The following CSMD3 variants were observed in gnomAD, a reference collection of about 807,000 sequenced individuals.
The protein encoded by CSMD3 is CUB and sushi domain-containing protein 3.
A neutral mutation model predicts 435.2 loss-of-function variants in CSMD3; 177 were observed. The ratio of observed to expected loss-of-function variants is 0.41; its 90% confidence interval spans 0.36 to 0.46. CSMD3 has a LOEUF of 0.46. CSMD3 is among the 20% of genes least tolerant of loss of function. The pLI, the probability that CSMD3 is intolerant of heterozygous loss-of-function variation, is 0.34. For missense variants in CSMD3, 4,265 were observed against 4,504.6 expected, an observed-to-expected ratio of 0.95 and a Z score of 1.52; for synonymous variants, 1,656 against 1,520.5, an observed-to-expected ratio of 1.09 and a Z score of -2.07.
At chr8:112,578,888 T>C (rs1463264883) in intron 23 of CSMD3, among the ~76,000 whole-genome samples, 1 of 152,010 alleles carries the variant, frequency 6.6e-6, no homozygotes, top group Admixed American at 6.6e-5. Flanking sequence ...CACACTGTTG[T>C]TTTCCAATCC....
At chr8:113,365,587 G>A (rs1415181951) in intron 1 of CSMD3, among the ~76,000 whole-genome samples, 2 of 151,994 alleles carry the variant, frequency 1.3e-5, no homozygotes, top group African/African-American at 4.8e-5. Context: ...AATAGATTAT[G>A]TACATTTTAA....
At chr8:113,031,557 A>G (rs2087110968) in intron 5 of CSMD3, among the ~76,000 whole-genome samples, 1 of 151,594 alleles carries the variant, frequency 6.6e-6, no homozygotes, top group Non-Finnish European at 1.5e-5. Context: ...AGGATAGCTG[A>G]AGGGATTCTT....
chr8:113,251,290 C>A (rs1481317851), intron 3 of CSMD3, among the ~76,000 whole-genome samples: 1 of 152,014 alleles, frequency 6.6e-6, no homozygotes, highest in Non-Finnish European at 1.5e-5. Context: ...GAATTTCATA[C>A]ATGAAAGTAA....
chr8:113,377,438 A>T (rs1052509096), intron 1 of CSMD3, among the ~76,000 whole-genome samples: 1 of 152,192 alleles, frequency 6.6e-6, no homozygotes, highest in African/African-American at 2.4e-5. Context: ...GGAGATGCTG[A>T]TAAGTCAAAA....
At chr8:112,615,786 T>C (rs1286887203) in intron 22 of CSMD3, among the ~76,000 whole-genome samples, 1 of 152,068 alleles carries the variant, frequency 6.6e-6, no homozygotes, top group African/African-American at 2.4e-5. Context: ...ATAGCCAAAA[T>C]GTAACAAAGG....
At chr8:112,902,496 A>T (rs1307525250) in intron 10 of CSMD3, among the ~76,000 whole-genome samples, 1 of 151,288 alleles carries the variant, frequency 6.6e-6, no homozygotes, top group Admixed American at 6.6e-5. Flanking sequence ...TATCTGGTGC[A>T]GTGGCCCCTC....
chr8:112,252,703 A>C (rs1459136856), intron 63 of CSMD3, among the ~76,000 whole-genome samples: 1 of 148,058 alleles, frequency 6.8e-6, no homozygotes, highest in East Asian at 2.0e-4. Context: ...ATATATATAT[A>C]TATATACACA....
chr8:112,491,507 G>T (rs937942539), intron 31 of CSMD3, among the ~76,000 whole-genome samples: 3 of 151,910 alleles, frequency 2.0e-5, no homozygotes, highest in Non-Finnish European at 4.4e-5. Context: ...AAAATTATCT[G>T]GGTGTGGTGG....
At chr8:113,007,190 T>TGATTACTC (rs760256492) in intron 6 of CSMD3, among the ~76,000 whole-genome samples, 3 of 152,008 alleles carry the variant, frequency 2.0e-5, no homozygotes, top group Non-Finnish European at 4.4e-5. Context: ...TTTAGTGTTT[T>TGATTACTC]GATTACTCTC....
intron 49 of CSMD3, among the ~76,000 whole-genome samples, chr8:112,312,222 T>C (rs951459387): frequency 2.0e-5 from 3 of 152,130 alleles, no homozygotes; most frequent in African/African-American, 7.2e-5. Context: ...GTATGAAAAT[T>C]CTTCAAGATG....
At chr8:112,522,938 T>C (rs539655090) in intron 27 of CSMD3, among the ~76,000 whole-genome samples, 1 of 152,004 alleles carries the variant, frequency 6.6e-6, no homozygotes, top group African/African-American at 2.4e-5. Flanking sequence ...TCAACTGAAA[T>C]ATGGATGATT....
chr8:112,520,938 C>T (rs1268903629), intron 27 of CSMD3, among the ~76,000 whole-genome samples: 1 of 151,896 alleles, frequency 6.6e-6, no homozygotes, highest in African/African-American at 2.4e-5. Flanking sequence ...GTATTTACAT[C>T]CATATTTTGT....
chr8:113,433,978 C>A (rs2094690474), intron 1 of CSMD3, among the ~76,000 whole-genome samples: 1 of 152,166 alleles, frequency 6.6e-6, no homozygotes, highest in South Asian at 2.1e-4. Flanking sequence ...GTTTGGTGCT[C>A]TCCACAGCCT....
intron 27 of CSMD3, among the ~76,000 whole-genome samples, chr8:112,533,531 G>A (rs913998179): frequency 6.6e-6 from 1 of 151,956 alleles, no homozygotes; most frequent in African/African-American, 2.4e-5. Flanking sequence ...AATTCATTAT[G>A]TAATAATGAA....
chr8:112,841,756 C>A (rs2080183955), intron 11 of CSMD3, among the ~76,000 whole-genome samples: 1 of 151,510 alleles, frequency 6.6e-6, no homozygotes, highest in Admixed American at 6.6e-5. Flanking sequence ...ATAGGGTGGA[C>A]ACTGAAGAGG....
chr8:112,556,928 G>T lies in CSMD3; in HGVS notation c.4069C>A (p.Pro1357Thr). Residue 1357 changes from proline to threonine, a missense_variant, in exon 25 of 71, where the codon CCT (proline) becomes ACT (threonine). Pro to Thr is a conservative substitution (Grantham distance 38). Transcript: ENST00000297405. Reference sequence around the variant, plus strand: ...TTGTATCCAAATTGTGGAATGCCAGGATCTTCACAGTGTGAGAGTTCAAAA... The same window carrying T: ...TTGTATCCAAATTGTGGAATGCCAGTATCTTCACAGTGTGAGAGTTCAAAA... ...TSFELSHCED[P>T]GIPQFGYKIS... The T allele has an allele frequency of 6.2e-7, 1 of 1,611,856 alleles. No homozygotes were observed.
chr8:112,513,517 A>G (rs1308434032), intron 28 of CSMD3, among the ~76,000 whole-genome samples: 1 of 152,196 alleles, frequency 6.6e-6, no homozygotes, highest in African/African-American at 2.4e-5. Context: ...TACAATAGTA[A>G]CATAAAAGAT....
intron 27 of CSMD3, among the ~76,000 whole-genome samples, chr8:112,523,267 C>T (rs957885182): frequency 5.3e-5 from 8 of 151,788 alleles, no homozygotes; most frequent in Non-Finnish European, 8.8e-5. Flanking sequence ...TCTTTCCTGC[C>T]TTATCTGTAA....
In CSMD3 at chr8:113,108,677, A is replaced by G. The variant is rs1170369515; in HGVS notation, c.710-9714T>C. Among the ~76,000 whole-genome samples, 12 of 152,198 alleles carry G rather than the reference A, an allele frequency of 7.9e-5. 1 individual carries two copies. Among genetic ancestry groups the G allele is most frequent in the Non-Finnish European group, 4.4e-5 (3 of 68,036 alleles). On this transcript the variant is annotated intron_variant, in intron 4 of 70. Coordinates refer to ENST00000297405, the MANE Select transcript of CSMD3 (RefSeq NM_198123.2). ...TAAATAGAAGGAAATATACAAAAAC[A>G]TATCAGAGACAAACAATTAGACTGA...
Sources: gnomAD v4.1 joint callset for allele counts (sites outside exome capture counted in the v4.1 genomes callset) on GRCh38, gnomAD v4.1.1 for gene constraint, MANE v1.5 for transcripts, NCBI Gene and HGNC (gene_info 2026-07-23, HGNC 2026-07-21) for gene names.